RAB27B: variants seen among roughly 807,000 people sequenced by gnomAD.
The protein encoded by RAB27B is ras-related protein Rab-27B.
RAB27B carries 15 observed loss-of-function variants against 24.6 expected under a neutral mutation model. The observed-to-expected ratio is 0.61, with a 90% confidence interval of 0.41 to 0.94. The LOEUF (loss-of-function observed/expected upper bound fraction) is 0.94. Among genes scored for constraint, RAB27B ranks in the 40% least tolerant of loss-of-function variants. The pLI, the probability that RAB27B is intolerant of heterozygous loss-of-function variation, is 0.00. For missense variants in RAB27B, 261 were observed against 266.8 expected, an observed-to-expected ratio of 0.98 and a Z score of 0.15; for synonymous variants, 105 against 92.5, an observed-to-expected ratio of 1.14 and a Z score of -0.78.
In RAB27B at chr18:54,894,969, GTATT is replaced by G. The variant is rs1265959187; in HGVS notation, c.*5562_*5565del. The G allele has an allele frequency of 3.3e-5, 5 of 151,924 alleles. No individual in the cohort carries two copies. The highest frequency in any genetic ancestry group is 7.4e-5 in the Non-Finnish European group (5 of 67,936). The allele number at this position is 151,924 out of a possible 1,614,324, so 9.4% of individuals were successfully genotyped here. A position where few individuals can be genotyped will look rare whatever the true frequency, so the allele number is the denominator to read the frequency against. ...CATTATTGACAAAATATGTCATCTT[GTATT>G]TATTTCAAGGAAACCAATGAATTCT... On this transcript the variant is annotated 3_prime_UTR_variant, in exon 6 of 6. Transcript: ENST00000262094.
At chr18:54,765,323 G>A (rs1006402600) in intron 2 of RAB27B, among the ~76,000 whole-genome samples, 2 of 152,034 alleles carry the variant, frequency 1.3e-5, no homozygotes, top group Admixed American at 6.6e-5. Flanking sequence ...ATTCCCTGGA[G>A]CCCAGTGCTC....
At chr18:54,846,835 C>T (rs1296938881) in intron 1 of RAB27B, among the ~76,000 whole-genome samples, 1 of 152,050 alleles carries the variant, frequency 6.6e-6, no homozygotes, top group Non-Finnish European at 1.5e-5. Context: ...AAATGGACTT[C>T]ACATGACTTT....
At chr18:54,749,338 G>A (rs1430524721) in intron 2 of RAB27B, among the ~76,000 whole-genome samples, 3 of 152,110 alleles carry the variant, frequency 2.0e-5, no homozygotes, top group Non-Finnish European at 4.4e-5. Flanking sequence ...CAAAGCACTC[G>A]CATGCTGAAA....
At chr18:54,805,263 C>G (rs1201595954) in intron 2 of RAB27B, among the ~76,000 whole-genome samples, 1 of 152,116 alleles carries the variant, frequency 6.6e-6, no homozygotes. Flanking sequence ...GAAGACAACT[C>G]TCGTAGACTA....
In RAB27B at chr18:54,801,589, C is replaced by T. The variant is rs571917537; in HGVS notation, c.-19-75978C>T. Among the ~76,000 whole-genome samples, 3 of 152,226 alleles carry T rather than the reference C, an allele frequency of 2.0e-5. No homozygotes were observed. The South Asian group carries it at 6.2e-4, about 32-fold the overall frequency. On this transcript the variant is annotated intron_variant, in intron 2 of 4. Transcript: ENST00000586570. ...GGTTCATCAGGTTCAGGCATGTTGA[C>T]ATTTTGAGCCAGACGATTCTTTGTT...
At chr18:54,754,182 A>G (rs1907927489) in intron 2 of RAB27B, among the ~76,000 whole-genome samples, 1 of 152,122 alleles carries the variant, frequency 6.6e-6, no homozygotes, top group Non-Finnish European at 1.5e-5. Flanking sequence ...TTCTCGTGAT[A>G]GGGAGCGAGT....
chr18:54,854,822 G>C (rs1014124572), intron 1 of RAB27B, among the ~76,000 whole-genome samples: 5 of 152,120 alleles, frequency 3.3e-5, no homozygotes, highest in African/African-American at 1.2e-4. Flanking sequence ...GAATTTTCCT[G>C]AAACACTAGC....
At chr18:54,809,049 T>C (rs1909882086) in intron 2 of RAB27B, among the ~76,000 whole-genome samples, 1 of 152,232 alleles carries the variant, frequency 6.6e-6, no homozygotes, top group African/African-American at 2.4e-5. Flanking sequence ...GGTTGAAATT[T>C]TCCCCCATTG....
At chr18:54,804,668 A>T (rs565674180) in intron 2 of RAB27B, among the ~76,000 whole-genome samples, 1 of 152,342 alleles carries the variant, frequency 6.6e-6, no homozygotes, top group South Asian at 2.1e-4. Flanking sequence ...ATTAAGAGCC[A>T]TGAAAACTAA....
chr18:54,767,479 A>C (rs1908400139), intron 2 of RAB27B, among the ~76,000 whole-genome samples: 1 of 152,208 alleles, frequency 6.6e-6, no homozygotes, highest in African/African-American at 2.4e-5. Context: ...GATGGTGATT[A>C]ATTAGTGGCT....
rs774152558 is a variant in RAB27B at position 54,733,397 on chromosome 18, G to T, written c.-20+15256G>T. Among the ~76,000 whole-genome samples, 6 of 152,014 alleles carry T rather than the reference G, an allele frequency of 3.9e-5. No individual in the cohort carries two copies. The East Asian group carries it at 9.6e-4, about 24-fold the overall frequency. ...AGGTTTTATCTGATTATTTCCAGGG[G>T]TGCATCCATAACATTAATTAATCAT... On this transcript the variant is annotated intron_variant, in intron 2 of 4. Transcript: ENST00000586570.
At chr18:54,827,574 C>G (rs1910516129), upstream of RAB27B, among the ~76,000 whole-genome samples, 1 of 152,126 alleles carries the variant, frequency 6.6e-6, no homozygotes. Context: ...GAGCTGATAA[C>G]AGCAGTGCCT....
chr18:54,884,247 A>G lies in RAB27B; in HGVS notation c.240-86A>G. ...CATAAGGGCCAGTCACGGAGAATTC[A>G]TACCTGAAAGGGAAACTGTTATTTG... On this transcript the variant is annotated intron_variant, in intron 3 of 5. Coordinates refer to ENST00000262094, the MANE Select transcript of RAB27B (RefSeq NM_004163.4). The G allele has an allele frequency of 3.7e-6, 3 of 816,366 alleles. No homozygotes were observed. The South Asian group carries it at 4.8e-5, about 13-fold the overall frequency. The allele number at this position is 816,366 out of a possible 1,614,324, so 50.6% of individuals were successfully genotyped here. A position where few individuals can be genotyped will look rare whatever the true frequency, so the allele number is the denominator to read the frequency against.
At position 54,895,169 on chromosome 18, in the gene RAB27B, G is replaced by A. The variant is rs1913520909; in HGVS notation, c.*5756G>A. 1 of 152,022 alleles carries A rather than the reference G, an allele frequency of 6.6e-6. No individual in the cohort carries two copies. Among genetic ancestry groups the A allele is most frequent in the Non-Finnish European group, 1.5e-5 (1 of 67,988 alleles). 9.4% of individuals were successfully genotyped at this position (152,022 alleles called of 1,614,324 possible). A position where few individuals can be genotyped will look rare whatever the true frequency, so the allele number is the denominator to read the frequency against. ...CGATGTTCTAATATAACACTGAAGTGCTTCATTGTATCCCAACAGTTTACC... is the reference window on the plus strand; with the variant it reads ...CGATGTTCTAATATAACACTGAAGTACTTCATTGTATCCCAACAGTTTACC... On this transcript the variant is annotated 3_prime_UTR_variant, in exon 6 of 6. Coordinates refer to ENST00000262094, the MANE Select transcript of RAB27B (RefSeq NM_004163.4).
rs761427329 is a variant in RAB27B at position 54,889,251 on chromosome 18, A to G, written c.495A>G (p.Ala165=). The G allele has an allele frequency of 1.9e-6, 3 of 1,610,922 alleles. No homozygotes were observed. The highest frequency in any genetic ancestry group is 2.5e-6 in the Non-Finnish European group (3 of 1,178,640). ...TACCATATTTTGAAACAAGTGCAGC[A>G]ACTGGACAGAATGTGGAGAAAGCTG... ...YGIPYFETSA[A]TGQNVEKAVE... The change falls in exon 6 of 6, where the codon GCA becomes GCG. Residue 165 remains alanine, a synonymous_variant. Transcript: ENST00000262094.
rs76681687 is a variant in RAB27B, at chr18:54,838,960, G to A, written c.-20+10260G>A. On this transcript the variant is annotated intron_variant, in intron 1 of 5. Transcript: ENST00000262094. ...TGTTAGTAAGTAAGCTAACATTATA[G>A]GGACAAATCTCTTGTTTTATAAAGA... Among the ~76,000 whole-genome samples the A allele has an allele frequency of 2.3e-3, 356 of 152,148 alleles. 3 individuals carry two copies. Among genetic ancestry groups the A allele is most frequent in the African/African-American group, 8.0e-3 (334 of 41,524 alleles).
chr18:54,880,119 A>T lies in RAB27B; in HGVS notation c.239+665A>T, dbSNP rs151012116. ...TATGCCACCTTGTCATGAAATGAAC[A>T]TTCTATTTGTATCTTTAACTGTTGT... On this transcript the variant is annotated intron_variant, in intron 3 of 5. Coordinates refer to ENST00000262094, the MANE Select transcript of RAB27B (RefSeq NM_004163.4). The T allele has an allele frequency of 2.6e-5, 4 of 152,280 alleles. No individual in the cohort carries two copies. The East Asian group carries it at 7.7e-4, about 29-fold the overall frequency. The allele number at this position is 152,280 out of a possible 1,614,324, so 9.4% of individuals were successfully genotyped here. A position where few individuals can be genotyped will look rare whatever the true frequency, so the allele number is the denominator to read the frequency against.
intron 2 of RAB27B, among the ~76,000 whole-genome samples, chr18:54,772,200 A>G (rs1443166425): frequency 6.6e-6 from 1 of 152,200 alleles, no homozygotes; most frequent in East Asian, 1.9e-4. Flanking sequence ...GTTAAATGAC[A>G]TTTGGCAACT....
At chr18:54,844,445 C>T (rs1196088342) in intron 1 of RAB27B, among the ~76,000 whole-genome samples, 11 of 132,584 alleles carry the variant, frequency 8.3e-5, no homozygotes, top group Admixed American at 4.2e-4. Flanking sequence ...CTTGCTCTGT[C>T]GCCCACTGGA....
Sources: allele counts gnomAD v4.1 joint callset (sites outside exome capture counted in the v4.1 genomes callset), GRCh38; gene constraint gnomAD v4.1.1; transcripts MANE v1.5; gene names NCBI Gene and HGNC (gene_info 2026-07-23, HGNC 2026-07-21).